Variants in MYH13 observed in about 807,000 individuals in gnomAD.
MYH13 encodes the protein myosin heavy chain 13, also known as myosin-13.
A neutral mutation model predicts 232.1 loss-of-function variants in MYH13; 177 were observed. That is an observed-to-expected ratio of 0.76 (90% CI 0.67 to 0.86). The LOEUF is 0.86. Ranked by LOEUF, MYH13 falls within the 40% of genes least tolerant of loss-of-function variation. The pLI, the probability that MYH13 is intolerant of heterozygous loss-of-function variation, is 0.00. For synonymous variants in MYH13, 884 were observed against 923.5 expected (o/e 0.96, Z 0.78); for missense variants, 2,246 against 2,405.9 (o/e 0.93, Z 1.39).
intron 30 of MYH13, 121 bp downstream of exon 30, chr17:10,313,037 C>G: frequency 6.7e-7 from 1 of 1,483,676 alleles, no homozygotes; most frequent in South Asian, 1.3e-5. Flanking sequence ...GGGGTACAAT[C>G]CGAGTGTTTC....
At chr17:10,325,063 T>A (rs1438042579) in intron 22 of MYH13, 1 of 151,800 alleles carries the variant, frequency 6.6e-6, no homozygotes, top group Non-Finnish European at 1.5e-5. Context: ...CCTCAAGTGA[T>A]CCTCCTGCCT....
chr17:10,367,157 G>C (rs2071844036), intron 2 of MYH13, among the ~76,000 whole-genome samples: 1 of 152,172 alleles, frequency 6.6e-6, no homozygotes, highest in South Asian at 2.1e-4. Context: ...TACAGCAGCG[G>C]TTCTCAAACT....
intron 5 of MYH13, 22 bp downstream of exon 5, chr17:10,362,096 A>G (rs2071798219): frequency 1.2e-6 from 2 of 1,613,600 alleles, no homozygotes; most frequent in African/African-American, 1.3e-5. Context: ...TTCAAAAAAT[A>G]TGAATCAAAG....
intron 21 of MYH13, 108 bp downstream of exon 21, chr17:10,330,279 G>A: frequency 6.8e-7 from 1 of 1,462,946 alleles, no homozygotes; most frequent in East Asian, 2.4e-5. Flanking sequence ...TTAAACAAAT[G>A]AAGGAAAGAG....
chr17:10,303,747 C>A (rs1414938643), intron 37 of MYH13, among the ~76,000 whole-genome samples: 1 of 152,092 alleles, frequency 6.6e-6, no homozygotes, highest in African/African-American at 2.4e-5. Context: ...CTAGAAATAC[C>A]ATTTGACCCA....
In MYH13 at chr17:10,327,906, A is replaced by G; in HGVS notation, c.2651T>C (p.Leu884Pro). The change falls in exon 22 of 41, where the codon CTC (leucine) becomes CCC (proline). Residue 884 changes from leucine (L) to proline (P), a missense_variant. Transcript: ENST00000252172. ...RKELEEKMVS[L>P]LQEKNDLQLQ... Reference sequence around the variant, plus strand: ...TTGGAGGTCATTCTTCTCCTGCAGGAGGGAGACCATTTTCTCCTCCAGCTC... The same window carrying G: ...TTGGAGGTCATTCTTCTCCTGCAGGGGGGAGACCATTTTCTCCTCCAGCTC... 1 of 1,613,782 alleles carries G rather than the reference A, an allele frequency of 6.2e-7. No individual in the cohort carries two copies. The highest frequency in any genetic ancestry group is 8.5e-7 in the Non-Finnish European group (1 of 1,179,856).
Position 10,344,652 on chromosome 17 carries a change from C to CA in MYH13, c.1585-544dup, listed in dbSNP as rs574401510. Among the ~76,000 whole-genome samples, 4 of 148,910 alleles carry CA rather than the reference C, an allele frequency of 2.7e-5. No individual in the cohort carries two copies. The South Asian group carries it at 8.5e-4, about 32-fold the overall frequency. ...CCAACATGGTGAAACCCCGTCTCTA[C>CA]AAAAAAAAGAAAAAAAAAATTATCT... On this transcript the variant is annotated intron_variant, in intron 15 of 40. Transcript: ENST00000252172.
At chr17:10,336,859 C>T (rs781577141) in intron 18 of MYH13, among the ~76,000 whole-genome samples, 3 of 152,064 alleles carry the variant, frequency 2.0e-5, no homozygotes, top group African/African-American at 4.8e-5. Flanking sequence ...AACCCCAAAC[C>T]TAGCTCTGGT....
At chr17:10,366,381 G>GTTTTTTTTGTTTTT (rs1356453405) in intron 2 of MYH13, among the ~76,000 whole-genome samples, 1 of 112,640 alleles carries the variant, frequency 8.9e-6, no homozygotes, top group Non-Finnish European at 1.9e-5. Context: ...AAATAAATCT[G>GTTTTTTTTGTTTTT]TTTTTTTTTT....
Position 10,350,713 on chromosome 17 carries a change from C to T in MYH13, c.1006-19G>A. 6.2e-7 allele frequency: 1 copy of T among 1,613,522 alleles called. No individual in the cohort carries two copies. The highest frequency in any genetic ancestry group is 1.7e-4 in the Middle Eastern group (1 of 6,056). ...TGGCATTCTGGAAAGAAAAAAAGGA[C>T]AACTGTCATAGCAGGAATCAGGGAT... is the stretch of plus-strand genomic sequence containing the variant. On this transcript the variant is annotated intron_variant, in intron 11 of 40. Coordinates refer to ENST00000252172, the MANE Select transcript of MYH13 (RefSeq NM_003802.3).
intron 21 of MYH13, among the ~76,000 whole-genome samples, chr17:10,329,109 A>AT (rs1469392270): frequency 1.3e-5 from 2 of 151,948 alleles, no homozygotes; most frequent in Non-Finnish European, 2.9e-5. Context: ...CCTTCTTGAG[A>AT]TTCTTTTCAT....
intron 18 of MYH13, among the ~76,000 whole-genome samples, chr17:10,338,788 T>C (rs1033064425): frequency 6.0e-5 from 9 of 150,994 alleles, no homozygotes; most frequent in Admixed American, 1.3e-4. Flanking sequence ...GCAAGCTCCG[T>C]CTCCCGGGTT....
intron 2 of MYH13, among the ~76,000 whole-genome samples, chr17:10,366,541 C>T (rs997097835): frequency 1.2e-4 from 18 of 152,032 alleles, no homozygotes; most frequent in African/African-American, 2.7e-4. Flanking sequence ...CCACCACACC[C>T]GGCTAATTTT....
chr17:10,347,537 C>G (rs182943122), intron 12 of MYH13, among the ~76,000 whole-genome samples: 2 of 152,056 alleles, frequency 1.3e-5, no homozygotes, highest in Non-Finnish European at 2.9e-5. Flanking sequence ...ACTTGACCCT[C>G]CCTTCAAATG....
chr17:10,359,789 C>T (rs556409519), intron 7 of MYH13, among the ~76,000 whole-genome samples, 171 bp downstream of exon 7: 3 of 152,174 alleles, frequency 2.0e-5, no homozygotes, highest in African/African-American at 7.2e-5. Context: ...ATGGAAAAAC[C>T]CCATACATTT....
At chr17:10,335,416 C>T (rs1352871141) in intron 18 of MYH13, among the ~76,000 whole-genome samples, 1 of 152,086 alleles carries the variant, frequency 6.6e-6, no homozygotes, top group East Asian at 1.9e-4. Context: ...GATAATCAAC[C>T]TGTAGTATCT....
rs776804584 is a variant in MYH13 at position 10,303,280 on chromosome 17, G to A, written c.5583C>T (p.Asp1861=). Residue 1861 remains aspartate, a synonymous_variant, in exon 39 of 41, where the codon GAC becomes GAT. Transcript: ENST00000252172. ...CCTGGAGCCTAAGGATATTCTTGTG[G>A]TCCTCCTCAGCCTGCAAACAGAGTA... is the stretch of plus-strand genomic sequence containing the variant. ...VKEMTYQAEE[D]HKNILRLQDL... 2 of 1,613,580 alleles carry A rather than the reference G, an allele frequency of 1.2e-6. No individual in the cohort carries two copies. The highest frequency in any genetic ancestry group is 2.7e-5 in the African/African-American group (2 of 74,882).
intron 21 of MYH13, among the ~76,000 whole-genome samples, chr17:10,328,834 C>T (rs1456545137): frequency 2.6e-5 from 4 of 152,036 alleles, no homozygotes; most frequent in Admixed American, 6.6e-5. Flanking sequence ...TGCGCCACCA[C>T]GCCTGGCTAA....
At position 10,346,776 on chromosome 17, in the gene MYH13, C is replaced by T. The variant is rs1339160155; in HGVS notation, c.1167G>A (p.Leu389=). 2 of 1,613,926 alleles carry T rather than the reference C, an allele frequency of 1.2e-6. No homozygotes were observed. The highest frequency in any genetic ancestry group is 3.3e-5 in the Admixed American group (2 of 60,010). ...GCATTTCTGCAGAATTCAGTCCCATCAGGTATCCGGCTTTGTCAGCCACTG... is the reference window on the plus strand; with the variant it reads ...GCATTTCTGCAGAATTCAGTCCCATTAGGTATCCGGCTTTGTCAGCCACTG... ...GTEVADKAGY[L]MGLNSAEMLK... is the part of the protein sequence containing the mutation. Residue 389 remains leucine, a synonymous_variant, in exon 13 of 41, where the codon CTG becomes CTA. Coordinates refer to ENST00000252172, the MANE Select transcript of MYH13 (RefSeq NM_003802.3).
Sources: allele counts gnomAD v4.1 joint callset (sites outside exome capture counted in the v4.1 genomes callset), GRCh38; gene constraint gnomAD v4.1.1; transcripts MANE v1.5; gene names NCBI Gene and HGNC (gene_info 2026-07-23, HGNC 2026-07-21).